Variants in NFIA observed in about 807,000 individuals in gnomAD.
The protein encoded by NFIA is nuclear factor I A, also known as nuclear factor 1 A-type.
A neutral mutation model predicts 62.8 loss-of-function variants in NFIA; 8 were observed. The observed-to-expected ratio is 0.13, with a 90% CI of 0.07 to 0.23. The LOEUF is 0.23. Ranked by LOEUF, NFIA falls within the 10% of genes least tolerant of loss-of-function variation. The pLI, the probability that NFIA is intolerant of heterozygous loss-of-function variation, is 1.00. For synonymous variants in NFIA, 235 were observed against 238.1 expected (o/e 0.99, Z 0.12); for missense variants, 410 against 642.1 (o/e 0.64, Z 3.91).
chr1:61,326,031 A>T (rs1399737686), intron 3 of NFIA, among the ~76,000 whole-genome samples: 1 of 151,868 alleles, frequency 6.6e-6, no homozygotes, highest in Admixed American at 6.6e-5. Context: ...AATTGCACAC[A>T]TTCCACTAAG....
In NFIA at chr1:61,406,547, C is replaced by T. The variant is rs199709775; in HGVS notation, c.1255-15C>T. ...TTTCTTGTACGTGTGTTTTCTGCCCCCCCCCCCCCCACAGCCCAATGGGAG... is the reference window on the plus strand; with the variant it reads ...TTTCTTGTACGTGTGTTTTCTGCCCTCCCCCCCCCCACAGCCCAATGGGAG... On this transcript the variant is annotated splice_polypyrimidine_tract_variant and intron_variant, in intron 8 of 10. Coordinates refer to ENST00000403491, the MANE Select transcript of NFIA (RefSeq NM_001134673.4). 2.6e-5 allele frequency: 21 copies of T among 799,966 alleles called. No homozygotes were observed. The highest frequency in any genetic ancestry group is 5.9e-4 in the Middle Eastern group (2 of 3,386). 49.6% of individuals were successfully genotyped at this position (799,966 alleles called of 1,614,324 possible).
intron 7 of NFIA, among the ~76,000 whole-genome samples, chr1:61,396,302 G>T (rs1239484242): frequency 1.3e-5 from 2 of 152,144 alleles, no homozygotes. Context: ...CTAGAGTGCA[G>T]TGGTGTGATC....
chr1:61,359,701 C>T (rs578181739), intron 6 of NFIA, among the ~76,000 whole-genome samples: 3 of 152,142 alleles, frequency 2.0e-5, no homozygotes, highest in Admixed American at 6.5e-5. Flanking sequence ...GCCTCAGCCT[C>T]CCGAGTAGCT....
chr1:61,116,670 T>A (rs968525641), intron 2 of NFIA, among the ~76,000 whole-genome samples: 3 of 152,246 alleles, frequency 2.0e-5, no homozygotes, highest in Admixed American at 6.5e-5. Context: ...TTATCAACGA[T>A]GACTGCAGTG....
chr1:61,138,592 T>A (rs1442188286), intron 2 of NFIA, among the ~76,000 whole-genome samples: 1 of 137,888 alleles, frequency 7.3e-6, no homozygotes, highest in Non-Finnish European at 1.6e-5. Context: ...TTTATTTATT[T>A]ATTATTGAGA....
intron 2 of NFIA, among the ~76,000 whole-genome samples, chr1:61,211,591 G>A (rs1385081313): frequency 6.6e-6 from 1 of 152,174 alleles, no homozygotes; most frequent in African/African-American, 2.4e-5. Context: ...TCTCATAGAT[G>A]TCTAGAGCAA....
At chr1:61,436,060 C>T (rs988488145) in intron 10 of NFIA, among the ~76,000 whole-genome samples, 3 of 152,156 alleles carry the variant, frequency 2.0e-5, no homozygotes, top group African/African-American at 7.2e-5. Flanking sequence ...TGCAGACCTG[C>T]TCCCATGGGG....
chr1:61,300,739 G>T (rs1325629039), intron 3 of NFIA, among the ~76,000 whole-genome samples: 1 of 151,800 alleles, frequency 6.6e-6, no homozygotes, highest in Non-Finnish European at 1.5e-5. Context: ...ACACCCATAT[G>T]TAAGCTCGAT....
intron 3 of NFIA, among the ~76,000 whole-genome samples, chr1:61,297,352 G>A (rs771924090): frequency 6.6e-6 from 1 of 152,136 alleles, no homozygotes; most frequent in Non-Finnish European, 1.5e-5. Context: ...GCAGGGCTGA[G>A]TGTGATTGTC....
intron 2 of NFIA, among the ~76,000 whole-genome samples, chr1:61,208,371 T>C (rs1204865313): frequency 6.6e-6 from 1 of 152,120 alleles, no homozygotes; most frequent in Admixed American, 6.6e-5. Flanking sequence ...GGAAGGGAAA[T>C]ATGTAGTGTT....
chr1:61,320,541 A>G (rs1049413722), intron 3 of NFIA, among the ~76,000 whole-genome samples: 1 of 152,196 alleles, frequency 6.6e-6, no homozygotes, highest in Admixed American at 6.5e-5. Context: ...TTGGAGTCTT[A>G]GAAAAGTAAT....
At chr1:61,078,679 G>C (rs926058625), upstream of NFIA, among the ~76,000 whole-genome samples, 1 of 152,180 alleles carries the variant, frequency 6.6e-6, no homozygotes, top group Non-Finnish European at 1.5e-5. Context: ...AAAGAAATTA[G>C]GGGAGTGTTT....
chr1:61,194,365 C>T (rs1270349562), intron 2 of NFIA, among the ~76,000 whole-genome samples: 2 of 152,110 alleles, frequency 1.3e-5, no homozygotes, highest in Non-Finnish European at 2.9e-5. Context: ...AGATCGCTGT[C>T]AGATTTCTTT....
At chr1:61,146,643 C>G (rs932784277) in intron 2 of NFIA, among the ~76,000 whole-genome samples, 1 of 152,100 alleles carries the variant, frequency 6.6e-6, no homozygotes, top group Non-Finnish European at 1.5e-5. Context: ...TTCTGTGTCA[C>G]GCTCTGTGTA....
At chr1:61,280,275 T>C (rs1658052398) in intron 3 of NFIA, among the ~76,000 whole-genome samples, 1 of 152,250 alleles carries the variant, frequency 6.6e-6, no homozygotes, top group South Asian at 2.1e-4. Flanking sequence ...CTCTTTTTCA[T>C]TACCTCAGGA....
intron 6 of NFIA, among the ~76,000 whole-genome samples, chr1:61,362,870 G>T (rs1663374293): frequency 6.6e-6 from 1 of 152,152 alleles, no homozygotes; most frequent in South Asian, 2.1e-4. Context: ...ATTCTATCAA[G>T]CACAAATGCA....
intron 2 of NFIA, among the ~76,000 whole-genome samples, chr1:61,100,411 TC>T (rs1646488206): frequency 6.6e-6 from 1 of 152,162 alleles, no homozygotes; most frequent in Non-Finnish European, 1.5e-5. Flanking sequence ...CCAGCACTAA[TC>T]TTAGGCACTG....
chr1:61,308,633 G>T (rs1659929395), intron 3 of NFIA, among the ~76,000 whole-genome samples: 1 of 152,184 alleles, frequency 6.6e-6, no homozygotes. Flanking sequence ...AATCATTTAG[G>T]TTTACATCCT....
chr1:61,268,095 C>T (rs1205840789), intron 2 of NFIA, among the ~76,000 whole-genome samples: 1 of 152,208 alleles, frequency 6.6e-6, no homozygotes, highest in Non-Finnish European at 1.5e-5. Context: ...TAGCTTTCCT[C>T]AGCAGTGGGA....
Sources: allele counts gnomAD v4.1 joint callset (sites outside exome capture counted in the v4.1 genomes callset), GRCh38; gene constraint gnomAD v4.1.1; transcripts MANE v1.5; gene names NCBI Gene and HGNC (gene_info 2026-07-23, HGNC 2026-07-21).